ZNF786: variants seen among roughly 807,000 people sequenced by gnomAD.
ZNF786 encodes the protein zinc finger protein 786.
Under a neutral mutation model 63.1 loss-of-function variants are expected in ZNF786, and 56 were observed. That is an observed-to-expected ratio of 0.89 (90% CI 0.72 to 1.11). ZNF786 has a LOEUF of 1.11. Among genes scored for constraint, ZNF786 ranks in the 50% least tolerant of loss-of-function variants. The probability of loss-of-function intolerance (pLI) is 0.00; values close to 1 mark genes in which losing one functional copy is unlikely to be tolerated. For synonymous variants in ZNF786, 485 were observed against 406.9 expected (o/e 1.19, Z -2.31); for missense variants, 1,213 against 1,041.8 (o/e 1.16, Z -2.26).
chr7:149,074,155 G>A (rs745858942), intron 3 of ZNF786, among the ~76,000 whole-genome samples: 60 of 151,778 alleles, frequency 4.0e-4, no homozygotes, highest in Middle Eastern at 3.2e-3. Flanking sequence ...TTATAGATCA[G>A]GCATTGAAAT....
chr7:149,088,535 A>G (rs1412180982), intron 1 of ZNF786, among the ~76,000 whole-genome samples: 4 of 152,186 alleles, frequency 2.6e-5, no homozygotes, highest in Admixed American at 2.6e-4. Context: ...GTATGTTTAT[A>G]CTTGTGTTAA....
chr7:149,083,740 C>T (rs138486811), intron 1 of ZNF786, among the ~76,000 whole-genome samples: 2 of 152,104 alleles, frequency 1.3e-5, no homozygotes, highest in African/African-American at 2.4e-5. Flanking sequence ...TTCCCTGCTT[C>T]GTATCCATAT....
chr7:149,082,846 G>T (rs1825675001), intron 1 of ZNF786, among the ~76,000 whole-genome samples: 1 of 151,714 alleles, frequency 6.6e-6, no homozygotes, highest in African/African-American at 2.4e-5. Flanking sequence ...GCCTCCCAAA[G>T]TGCTGGGGCT....
chr7:149,080,822 T>C, intron 1 of ZNF786, 105 bp from the exon 2 acceptor site: 31 of 1,413,306 alleles, frequency 2.2e-5, no homozygotes, highest in Non-Finnish European at 3.0e-5. Flanking sequence ...CAAATGTTTT[T>C]GGTTGTTCAG....
chr7:149,078,546 T>C (rs996694933), intron 2 of ZNF786, among the ~76,000 whole-genome samples: 7 of 151,984 alleles, frequency 4.6e-5, no homozygotes, highest in African/African-American at 1.7e-4. Flanking sequence ...TAGCAGGGCG[T>C]GGTGGCGCAT....
chr7:149,076,581 T>C (rs1368901116), intron 2 of ZNF786, among the ~76,000 whole-genome samples: 4 of 151,080 alleles, frequency 2.6e-5, no homozygotes, highest in Non-Finnish European at 5.9e-5. Context: ...TAGCTGGGTG[T>C]GGTGGTGTGT....
At chr7:149,073,722 T>G (rs1471050904) in intron 3 of ZNF786, among the ~76,000 whole-genome samples, 2 of 76,638 alleles carry the variant, frequency 2.6e-5, no homozygotes, top group Admixed American at 1.7e-4. Context: ...TGTATATGTG[T>G]GCGTGTGTGT....
intron 2 of ZNF786, among the ~76,000 whole-genome samples, chr7:149,077,691 C>T (rs185301587): frequency 3.4e-4 from 51 of 152,016 alleles, no homozygotes; most frequent in African/African-American, 9.4e-4. Flanking sequence ...CAGTGGCTCA[C>T]GACTGTAATC....
chr7:149,078,378 C>T (rs1449758053), intron 2 of ZNF786, among the ~76,000 whole-genome samples: 1 of 151,978 alleles, frequency 6.6e-6, no homozygotes, highest in Non-Finnish European at 1.5e-5. Flanking sequence ...TCCATACATA[C>T]AGCCTGCAAA....
At chr7:149,085,475 A>G (rs1825720416) in intron 1 of ZNF786, among the ~76,000 whole-genome samples, 1 of 152,112 alleles carries the variant, frequency 6.6e-6, no homozygotes, top group Admixed American at 6.6e-5. Flanking sequence ...TAGCTACCTG[A>G]GAGGCTGAGG....
chr7:149,090,595 G>T (rs549197098), intron 1 of ZNF786, 28 bp downstream of exon 1: 2 of 1,566,370 alleles, frequency 1.3e-6, no homozygotes, highest in Non-Finnish European at 1.7e-6. Flanking sequence ...CCCCGAAACC[G>T]GGCGTCCAAA....
chr7:149,073,575 A>G (rs1585461865), intron 3 of ZNF786, among the ~76,000 whole-genome samples: 2 of 151,694 alleles, frequency 1.3e-5, no homozygotes, highest in East Asian at 3.9e-4. Context: ...TTAAAAACCA[A>G]ACAAACTGGA....
At position 149,072,134 on chromosome 7, in the gene ZNF786, C is replaced by T. The variant is rs1825440175; in HGVS notation, c.638G>A (p.Arg213Gln). ...VMHQRGHSKD[R>Q]TRRAWEKFNK... ...GAATTTCTCCCAGGCCCTACGTGTC[C>T]GGTCCTTTGAGTGGCCTCTCTGGTG... Residue 213 changes from arginine (R) to glutamine (Q), a missense_variant, in exon 4 of 4, where the codon CGG becomes CAG. Physicochemically the swap from Arg to Gln is conservative, Grantham distance 43. Transcript: ENST00000491431. 1 of 1,613,104 alleles carries T rather than the reference C, an allele frequency of 6.2e-7. No individual in the cohort carries two copies. Among genetic ancestry groups the T allele is most frequent in the Non-Finnish European group, 8.5e-7 (1 of 1,179,674 alleles).
intron 1 of ZNF786, among the ~76,000 whole-genome samples, chr7:149,088,586 C>A (rs1164605781): frequency 1.3e-5 from 2 of 152,210 alleles, no homozygotes; most frequent in Non-Finnish European, 2.9e-5. Flanking sequence ...AAATTCCTTA[C>A]TTTTAAAACT....
chr7:149,074,300 G>T, intron 3 of ZNF786, 86 bp downstream of exon 3: 1 of 1,510,038 alleles, frequency 6.6e-7, no homozygotes, highest in South Asian at 1.3e-5. Flanking sequence ...ACCTCAGCTT[G>T]CCCAAACAGG....
In ZNF786 at chr7:149,070,466, C is replaced by T; in HGVS notation, c.2306G>A (p.Arg769Lys). 6.2e-7 allele frequency: 1 copy of T among 1,613,982 alleles called. No homozygotes were observed. Among genetic ancestry groups the T allele is most frequent in the Non-Finnish European group, 8.5e-7 (1 of 1,179,882 alleles). Residue 769 changes from arginine to lysine, a missense_variant, in exon 4 of 4, where the codon AGG becomes AAG. By Grantham distance (26) the Arg-to-Lys change is conservative. Transcript: ENST00000491431. The part of the protein sequence containing the change: ...PAPNELDIKK[R>K]LSQLFAMIEA... ...TATCATTGCAAACAGTTGGCTGAGC[C>T]TTTTCTTAATGTCCAGTTCATTTGG...
At chr7:149,074,596 T>C in intron 2 of ZNF786, 58 bp from the exon 3 acceptor site, 1 of 1,548,276 alleles carries the variant, frequency 6.5e-7, no homozygotes, top group Non-Finnish European at 8.7e-7. Flanking sequence ...CACACTAAGT[T>C]TCTAAATTTC....
chr7:149,074,436 G>A lies in ZNF786; in HGVS notation c.248C>T (p.Ser83Phe), dbSNP rs779425597. The change falls in exon 3 of 4, where the codon TCC becomes TTC. Residue 83 changes from serine (S) to phenylalanine (F), a missense_variant. Coordinates refer to ENST00000491431, the MANE Select transcript of ZNF786 (RefSeq NM_152411.4). ...TGGATCAAAATGCATATCAACAGAG[G>A]AGCAAATTATGTTTCCTGATTTCTG... ...ESQKSGNIIC[S>F]SVDMHFDPGF... is the part of the protein sequence containing the mutation. 5 of 1,613,750 alleles carry A rather than the reference G, an allele frequency of 3.1e-6. No individual in the cohort carries two copies. The highest frequency in any genetic ancestry group is 3.3e-4 in the Middle Eastern group (2 of 6,084).
intron 3 of ZNF786, 90 bp downstream of exon 3, chr7:149,074,296 G>C: frequency 6.7e-7 from 1 of 1,488,360 alleles, no homozygotes; most frequent in Non-Finnish European, 9.1e-7. Context: ...TCAAACCTCA[G>C]CTTGCCCAAA....
Sources: allele counts gnomAD v4.1 joint callset (sites outside exome capture counted in the v4.1 genomes callset), GRCh38; gene constraint gnomAD v4.1.1; transcripts MANE v1.5; gene names NCBI Gene and HGNC (gene_info 2026-07-23, HGNC 2026-07-21).